Variants in CNTNAP5 observed in about 807,000 individuals in gnomAD.
The protein encoded by CNTNAP5 is contactin associated protein family member 5, also known as contactin-associated protein-like 5.
In CNTNAP5, 72 loss-of-function variants were observed where a neutral mutation model predicts 150.2. The ratio of observed to expected loss-of-function variants is 0.48; its 90% CI spans 0.40 to 0.58. The LOEUF is 0.58. Ranked by LOEUF, CNTNAP5 falls within the 20% of genes least tolerant of loss-of-function variation. The pLI is 0.00. For missense variants in CNTNAP5, 1,636 were observed against 1,626.2 expected (o/e 1.01, Z -0.10); for synonymous variants, 672 against 619.8 (o/e 1.08, Z -1.25).
intron 19 of CNTNAP5, among the ~76,000 whole-genome samples, chr2:124,820,888 C>G (rs1198152924): frequency 6.6e-6 from 1 of 152,160 alleles, no homozygotes; most frequent in Non-Finnish European, 1.5e-5. Context: ...GTTTTTCATT[C>G]AAAGCCCCCG....
chr2:124,394,775 C>G (rs999611761), intron 3 of CNTNAP5, among the ~76,000 whole-genome samples: 35 of 152,132 alleles, frequency 2.3e-4, no homozygotes, highest in Non-Finnish European at 5.9e-5. Flanking sequence ...ATATTGCAGC[C>G]CATCTGCTTT....
chr2:124,772,720 T>A (rs1681230661), intron 16 of CNTNAP5, 79 bp from the exon 17 acceptor site: 4 of 1,037,152 alleles, frequency 3.9e-6, no homozygotes, highest in Non-Finnish European at 6.1e-6. Context: ...TGACTTACAA[T>A]CGTTTCTCCC....
intron 13 of CNTNAP5, among the ~76,000 whole-genome samples, chr2:124,709,106 T>C (rs1242849059): frequency 1.3e-5 from 2 of 152,052 alleles, no homozygotes; most frequent in Non-Finnish European, 2.9e-5. Flanking sequence ...CTCGGGCCCA[T>C]AAAAGTAGCA....
intron 3 of CNTNAP5, among the ~76,000 whole-genome samples, chr2:124,387,963 G>A (rs1558878877): frequency 1.3e-5 from 2 of 152,220 alleles, no homozygotes; most frequent in Middle Eastern, 3.4e-3. Flanking sequence ...AGGGAAAATG[G>A]GATGGAGACA....
At chr2:124,677,924 G>A (rs1678981778) in intron 13 of CNTNAP5, among the ~76,000 whole-genome samples, 1 of 151,936 alleles carries the variant, frequency 6.6e-6, no homozygotes, top group East Asian at 1.9e-4. Flanking sequence ...GGGAATAAAA[G>A]TACACTCCAA....
At chr2:124,844,812 A>G (rs1315416165) in intron 19 of CNTNAP5, among the ~76,000 whole-genome samples, 6 of 152,118 alleles carry the variant, frequency 3.9e-5, no homozygotes, top group Non-Finnish European at 5.9e-5. Flanking sequence ...TGATTTGTGT[A>G]CATTAATTTT....
At chr2:124,750,363 T>C (rs1034945072) in intron 14 of CNTNAP5, among the ~76,000 whole-genome samples, 1 of 152,188 alleles carries the variant, frequency 6.6e-6, no homozygotes, top group Admixed American at 6.5e-5. Flanking sequence ...TCAGAAAGTT[T>C]CTTCTGTCAT....
At chr2:124,423,782 A>C (rs1692174781) in intron 4 of CNTNAP5, among the ~76,000 whole-genome samples, 1 of 130,964 alleles carries the variant, frequency 7.6e-6, no homozygotes, top group African/African-American at 2.9e-5. Flanking sequence ...CTCCTGCCTC[A>C]GCCTCCCGAG....
intron 1 of CNTNAP5, among the ~76,000 whole-genome samples, chr2:124,042,403 G>A (rs922621464): frequency 2.0e-5 from 3 of 152,106 alleles, no homozygotes; most frequent in African/African-American, 7.2e-5. Context: ...TGATTTTGCT[G>A]AAATCATATT....
intron 17 of CNTNAP5, among the ~76,000 whole-genome samples, chr2:124,788,829 C>T (rs1681656252): frequency 6.6e-6 from 1 of 152,052 alleles, no homozygotes; most frequent in South Asian, 2.1e-4. Context: ...AATGGAGTTT[C>T]ACCATGTTGG....
At chr2:124,372,293 G>A (rs1690547077) in intron 3 of CNTNAP5, among the ~76,000 whole-genome samples, 2 of 151,944 alleles carry the variant, frequency 1.3e-5, no homozygotes, top group South Asian at 4.1e-4. Flanking sequence ...GGCTCCCCTG[G>A]CTTTTAGGCA....
chr2:124,804,585 A>C (rs1682042236), intron 19 of CNTNAP5, among the ~76,000 whole-genome samples: 1 of 152,148 alleles, frequency 6.6e-6, no homozygotes, highest in Admixed American at 6.6e-5. Context: ...TCCTTAAAGC[A>C]GGAGACACTA....
chr2:124,655,324 T>A (rs1678419886), intron 13 of CNTNAP5, among the ~76,000 whole-genome samples: 1 of 152,172 alleles, frequency 6.6e-6, no homozygotes, highest in Non-Finnish European at 1.5e-5. Context: ...GGACATGAAC[T>A]CATTCTTTTT....
chr2:124,150,842 C>T (rs1277608179), intron 1 of CNTNAP5, among the ~76,000 whole-genome samples: 1 of 152,132 alleles, frequency 6.6e-6, no homozygotes, highest in African/African-American at 2.4e-5. Context: ...TTGTGGGGGG[C>T]ACAAACATTT....
At chr2:124,216,996 G>A (rs59704137) in intron 1 of CNTNAP5, among the ~76,000 whole-genome samples, 3,643 of 152,122 alleles carry the variant, frequency 0.024, 136 homozygotes, top group African/African-American at 0.078. Flanking sequence ...ACTAGTTTAC[G>A]GTCCCACCAA....
chr2:124,477,581 A>G (rs1379756315), intron 7 of CNTNAP5, among the ~76,000 whole-genome samples: 7 of 152,022 alleles, frequency 4.6e-5, no homozygotes, highest in East Asian at 1.9e-4. Context: ...AAGGCTCCTG[A>G]CAATTCTGCA....
intron 1 of CNTNAP5, among the ~76,000 whole-genome samples, chr2:124,148,744 G>A (rs933339550): frequency 6.7e-6 from 1 of 149,550 alleles, no homozygotes; most frequent in Non-Finnish European, 1.5e-5. Flanking sequence ...TCATATATAT[G>A]CACATATTGT....
chr2:124,915,209 CACACACACAT>C lies in CNTNAP5; in HGVS notation c.*923_*932del, dbSNP rs1425368710. ...GTGAGTATATATACACACACACACA[CACACACACAT>C]ATATATATATACACACACGCACACA... On this transcript the variant is annotated 3_prime_UTR_variant, in exon 24 of 24. Coordinates refer to ENST00000682447, the MANE Select transcript of CNTNAP5 (RefSeq NM_001367498.1). 6.0e-6 allele frequency: 1 copy of C among 166,332 alleles called. No homozygotes were observed. The highest frequency in any genetic ancestry group is 1.5e-5 in the Non-Finnish European group (1 of 68,034). The allele number at this position is 166,332 out of a possible 1,614,324, so 10.3% of individuals were successfully genotyped here.
At chr2:124,528,391 A>C (rs920501477) in intron 10 of CNTNAP5, among the ~76,000 whole-genome samples, 1 of 152,204 alleles carries the variant, frequency 6.6e-6, no homozygotes, top group African/African-American at 2.4e-5. Context: ...TGCTGAGTTG[A>C]ATCTTAAAGC....
Sources: gnomAD v4.1 joint callset for allele counts (sites outside exome capture counted in the v4.1 genomes callset) on GRCh38, gnomAD v4.1.1 for gene constraint, MANE v1.5 for transcripts, NCBI Gene and HGNC (gene_info 2026-07-23, HGNC 2026-07-21) for gene names.